POU2F1: variants seen among roughly 807,000 people sequenced by gnomAD.
The protein encoded by POU2F1 is POU domain, class 2, transcription factor 1.
In POU2F1, 16 loss-of-function variants were observed where a neutral mutation model predicts 84.9. The ratio of observed to expected loss-of-function variants is 0.19; its 90% confidence interval spans 0.13 to 0.29. The LOEUF (loss-of-function observed/expected upper bound fraction) is 0.29, where lower values mean the gene tolerates loss of function less well. Among genes scored for constraint, POU2F1 ranks in the 10% least tolerant of loss-of-function variants. POU2F1 has a pLI of 1.00. For missense variants in POU2F1, 738 were observed against 942.6 expected, an observed-to-expected ratio of 0.78 and a Z score of 2.84; for synonymous variants, 368 against 368.3, an observed-to-expected ratio of 1.00 and a Z score of 0.01.
intron 1 of POU2F1, among the ~76,000 whole-genome samples, chr1:167,221,377 C>T (rs1317035119): frequency 2.7e-5 from 4 of 150,210 alleles, no homozygotes; most frequent in Non-Finnish European, 5.9e-5. Flanking sequence ...ATATTCATAG[C>T]TGCTGGGCCG....
intron 1 of POU2F1, among the ~76,000 whole-genome samples, chr1:167,331,995 T>C (rs1657108822): frequency 6.6e-6 from 1 of 152,056 alleles, no homozygotes; most frequent in South Asian, 2.1e-4. Context: ...AGTTCATAGG[T>C]TGAGTTACTG....
chr1:167,290,116 T>A (rs1449930124), intron 1 of POU2F1, among the ~76,000 whole-genome samples: 1 of 152,100 alleles, frequency 6.6e-6, no homozygotes, highest in African/African-American at 2.4e-5. Flanking sequence ...GAAGGCTGGG[T>A]GCGGTGGTTC....
At position 167,415,886 on chromosome 1, in the gene POU2F1, GA is replaced by G; in HGVS notation, c.*81del. The G allele has an allele frequency of 8.3e-7, 1 of 1,208,498 alleles. No homozygotes were observed. 74.9% of individuals were successfully genotyped at this position (1,208,498 alleles called of 1,614,324 possible). On this transcript the variant is annotated 3_prime_UTR_variant, in exon 16 of 16. Transcript: ENST00000367866. The stretch of plus-strand genomic sequence containing the variant: ...GGACTGCCAGCCAGGTTAATAAACT[GA>G]AAAATGTGATTGGCTTCCTCTCGCC...
intron 1 of POU2F1, among the ~76,000 whole-genome samples, chr1:167,327,768 A>G (rs1321266808): frequency 6.6e-6 from 1 of 152,214 alleles, no homozygotes; most frequent in African/African-American, 2.4e-5. Context: ...TCCATAATGC[A>G]TAGGAATAGC....
intron 13 of POU2F1, among the ~76,000 whole-genome samples, chr1:167,406,299 A>G (rs1027107135): frequency 6.6e-6 from 1 of 152,246 alleles, no homozygotes; most frequent in African/African-American, 2.4e-5. Flanking sequence ...ATCTCAGTGG[A>G]TACAGAAAAG....
intron 1 of POU2F1, among the ~76,000 whole-genome samples, chr1:167,244,678 A>G (rs569631480): frequency 1.2e-4 from 19 of 152,214 alleles, no homozygotes; most frequent in Non-Finnish European, 2.5e-4. Context: ...TTGGATGGCC[A>G]TCTTACAAAT....
At chr1:167,298,812 C>T (rs1203137719) in intron 1 of POU2F1, among the ~76,000 whole-genome samples, 1 of 152,050 alleles carries the variant, frequency 6.6e-6, no homozygotes, top group East Asian at 1.9e-4. Flanking sequence ...ATCTGTGTGT[C>T]TCTGGTCACT....
rs1481972234 is a variant in POU2F1, at chr1:167,421,052, G to A, written c.*5242G>A. ...ATAACTGATATGAGTTTGCTTTTAT[G>A]TGTGTGTGGAAAGCATTTAATGTGT... On this transcript the variant is annotated 3_prime_UTR_variant, in exon 16 of 16. Coordinates refer to ENST00000367866, the MANE Select transcript of POU2F1 (RefSeq NM_002697.4). 1 of 152,198 alleles carries A rather than the reference G, an allele frequency of 6.6e-6. No individual in the cohort carries two copies. The highest frequency in any genetic ancestry group is 2.4e-5 in the African/African-American group (1 of 41,436). 9.4% of individuals were successfully genotyped at this position (152,198 alleles called of 1,614,324 possible).
intron 1 of POU2F1, among the ~76,000 whole-genome samples, chr1:167,252,573 T>C (rs942175047): frequency 1.4e-4 from 21 of 152,250 alleles, no homozygotes; most frequent in African/African-American, 4.8e-4. Flanking sequence ...TTAAACTCCA[T>C]TGTTGGTAAT....
chr1:167,412,196 C>T lies in POU2F1; in HGVS notation c.1793C>T (p.Ala598Val). The T allele has an allele frequency of 6.2e-7, 1 of 1,613,488 alleles. No individual in the cohort carries two copies. The change falls in exon 14 of 16, where the codon GCT becomes GTT. Residue 598 changes from alanine to valine, a missense_variant. Physicochemically the swap from Ala to Val is moderately conservative, Grantham distance 64 (BLOSUM62 0). This residue lies in a region of POU2F1 where 319 missense variants were observed against 386.0 expected (regional missense o/e 0.83). Transcript: ENST00000367866. Reference sequence around the variant, plus strand: ...TCAGGTTTGCAAACAGCAGCAGCTGCTGCCCTTCAAGGAGCTGCACAGTTG... The same window carrying T: ...TCAGGTTTGCAAACAGCAGCAGCTGTTGCCCTTCAAGGAGCTGCACAGTTG... ...TASGLQTAAA[A>V]ALQGAAQLPA...
intron 1 of POU2F1, among the ~76,000 whole-genome samples, chr1:167,221,477 A>G (rs1648171901): frequency 6.8e-6 from 1 of 147,966 alleles, no homozygotes; most frequent in African/African-American, 2.5e-5. Context: ...CGGCGAGCAC[A>G]ATGCCGGGGA....
intron 1 of POU2F1, chr1:167,329,020 A>C (rs373457827): frequency 4.6e-6 from 5 of 1,097,860 alleles, no homozygotes; most frequent in East Asian, 6.0e-5. Flanking sequence ...TGACAATGTC[A>C]GTCCTAGCTG....
At chr1:167,328,753 G>A (rs1656876199) in intron 1 of POU2F1, among the ~76,000 whole-genome samples, 1 of 152,050 alleles carries the variant, frequency 6.6e-6, no homozygotes, top group African/African-American at 2.4e-5. Context: ...TTCCCTTCAT[G>A]CACTGCCAAT....
At chr1:167,302,984 A>G (rs537598078) in intron 1 of POU2F1, among the ~76,000 whole-genome samples, 1 of 152,318 alleles carries the variant, frequency 6.6e-6, no homozygotes, top group African/African-American at 2.4e-5. Flanking sequence ...CTCATTTTCT[A>G]AATACAAAAT....
chr1:167,279,730 A>G (rs1269611337), intron 1 of POU2F1, among the ~76,000 whole-genome samples: 3 of 152,054 alleles, frequency 2.0e-5, no homozygotes, highest in Admixed American at 6.5e-5. Context: ...AAAAAACCAT[A>G]TGTTCCAGAG....
At chr1:167,364,301 C>T (rs534732615) in intron 2 of POU2F1, among the ~76,000 whole-genome samples, 1 of 151,854 alleles carries the variant, frequency 6.6e-6, no homozygotes, top group South Asian at 2.1e-4. Flanking sequence ...GAGGCCGAGG[C>T]GGGCGGATCA....
chr1:167,270,962 G>C (rs1310019482), intron 1 of POU2F1, among the ~76,000 whole-genome samples: 2 of 152,068 alleles, frequency 1.3e-5, no homozygotes, highest in Non-Finnish European at 2.9e-5. Context: ...CCACATACAG[G>C]GTCACTTTAT....
chr1:167,371,924 C>T lies in POU2F1; in HGVS notation c.290C>T (p.Ser97Phe), dbSNP rs144698259. 2.3e-5 allele frequency: 37 copies of T among 1,614,204 alleles called. No individual in the cohort carries two copies. The African/African-American group carries it at 4.4e-4, about 19-fold the overall frequency. The change falls in exon 5 of 16, where the codon TCT (serine) becomes TTT (phenylalanine). Residue 97 changes from serine (S) to phenylalanine (F), a missense_variant. Transcript: ENST00000367866. The stretch of plus-strand genomic sequence containing the variant: ...CTACCCACCCCACCTCAGTCTAAAT[C>T]TAATGAAGAATCGGGGGATTCGCAG... ...AAQSLNVQSK[S>F]NEESGDSQQP...
chr1:167,307,788 T>C (rs951369679), intron 1 of POU2F1, among the ~76,000 whole-genome samples: 1 of 152,212 alleles, frequency 6.6e-6, no homozygotes, highest in Non-Finnish European at 1.5e-5. Flanking sequence ...CCCCAAAATG[T>C]CCCTTACACC....
Sources: allele counts gnomAD v4.1 joint callset (sites outside exome capture counted in the v4.1 genomes callset), GRCh38; gene constraint gnomAD v4.1.1; regional missense constraint gnomAD v4.1.1; transcripts MANE v1.5; gene names NCBI Gene and HGNC (gene_info 2026-07-23, HGNC 2026-07-21).